The following TMIGD3 variants were observed in gnomAD, a reference collection of about 807,000 sequenced individuals.
TMIGD3 encodes the protein transmembrane and immunoglobulin domain containing 3, also known as AD026 protein (AD026).
A neutral mutation model predicts 28.1 loss-of-function variants in TMIGD3; 21 were observed. The observed-to-expected ratio is 0.75, with a 90% CI of 0.53 to 1.08. The LOEUF is 1.08. Among genes scored for constraint, TMIGD3 ranks in the 50% least tolerant of loss-of-function variants. The probability of loss-of-function intolerance (pLI) is 0.00; values close to 1 mark genes in which losing one functional copy is unlikely to be tolerated. For synonymous variants in TMIGD3, 151 were observed against 162.1 expected (o/e 0.93, Z 0.52); for missense variants, 416 against 435.6 (o/e 0.96, Z 0.40).
upstream of TMIGD3, among the ~76,000 whole-genome samples, chr1:111,505,845 GA>G (rs3216055): frequency 9.8e-3 from 1,494 of 152,242 alleles, 44 homozygotes; most frequent in East Asian, 0.097. Flanking sequence ...ATTGCCTTAG[GA>G]TCAAGTCCAG....
At chr1:111,557,442 C>T (rs111662161) in intron 1 of TMIGD3, among the ~76,000 whole-genome samples, 16,034 of 151,450 alleles carry the variant, frequency 0.11, 2,158 homozygotes, top group African/African-American at 0.31. Flanking sequence ...CCCAGCTACT[C>T]GGGAGGCTGA....
At chr1:111,502,046 T>A (rs1006230910) in intron 1 of TMIGD3, among the ~76,000 whole-genome samples, 1 of 40,062 alleles carries the variant, frequency 2.5e-5, no homozygotes, top group Non-Finnish European at 7.5e-5. Context: ...GGATATATAT[T>A]TAATATAATA....
intron 1 of TMIGD3, among the ~76,000 whole-genome samples, chr1:111,561,231 C>T (rs1408547434): frequency 6.6e-6 from 1 of 152,174 alleles, no homozygotes; most frequent in East Asian, 1.9e-4. Flanking sequence ...TTAGATGATC[C>T]TCCCACTTCA....
chr1:111,528,628 T>C (rs1369505559), intron 1 of TMIGD3, among the ~76,000 whole-genome samples: 3 of 152,220 alleles, frequency 2.0e-5, no homozygotes, highest in Non-Finnish European at 4.4e-5. Context: ...ATCTTGATAA[T>C]ATTGAGTCTT....
intron 5 of TMIGD3, 32 bp downstream of exon 5, chr1:111,485,708 G>GGGCCCC: frequency 2.3e-6 from 2 of 867,090 alleles, no homozygotes; most frequent in Non-Finnish European, 3.8e-6. Flanking sequence ...TCTAATTCTT[G>GGGCCCC]CCCACCCCCT....
At chr1:111,491,197 C>T (rs757529253) in intron 1 of TMIGD3, among the ~76,000 whole-genome samples, 6 of 152,262 alleles carry the variant, frequency 3.9e-5, no homozygotes, top group Admixed American at 6.5e-5. Flanking sequence ...GTGGACACTG[C>T]AGGCTCATCT....
intron 1 of TMIGD3, among the ~76,000 whole-genome samples, chr1:111,532,693 C>T (rs890942657): frequency 2.6e-5 from 4 of 152,070 alleles, no homozygotes; most frequent in African/African-American, 9.7e-5. Context: ...TAAAAGTGCC[C>T]CCTGTGAGCC....
At chr1:111,488,479 T>C (rs1287775365) in intron 3 of TMIGD3, among the ~76,000 whole-genome samples, 198 bp downstream of exon 3, 1 of 152,194 alleles carries the variant, frequency 6.6e-6, no homozygotes. Flanking sequence ...GACACCCTCC[T>C]TGTCCCCAAC....
intron 1 of TMIGD3, chr1:111,500,614 G>T: frequency 6.6e-7 from 1 of 1,515,898 alleles, no homozygotes; most frequent in Non-Finnish European, 9.1e-7. Context: ...GGGTAGGGGA[G>T]ATGGAGCTGG....
chr1:111,529,060 G>A (rs977139355), intron 1 of TMIGD3, among the ~76,000 whole-genome samples: 4 of 151,668 alleles, frequency 2.6e-5, no homozygotes, highest in African/African-American at 9.7e-5. Context: ...GTGGTGATAG[G>A]AGACATTCTT....
intron 1 of TMIGD3, chr1:111,500,894 T>C (rs903524223): frequency 5.3e-5 from 22 of 416,244 alleles, no homozygotes; most frequent in African/African-American, 3.9e-4. Context: ...CTGAGAGCTA[T>C]ACAACTGTTA....
At chr1:111,529,926 T>C (rs1439751021) in intron 1 of TMIGD3, among the ~76,000 whole-genome samples, 1 of 146,326 alleles carries the variant, frequency 6.8e-6, no homozygotes, top group Non-Finnish European at 1.5e-5. Flanking sequence ...GAGGGGCTCC[T>C]CACTTCCCAG....
At chr1:111,523,973 C>G (rs1304369763) in intron 1 of TMIGD3, among the ~76,000 whole-genome samples, 1 of 148,154 alleles carries the variant, frequency 6.7e-6, no homozygotes, top group Non-Finnish European at 1.5e-5. Context: ...TATTTTTTCT[C>G]TTCTGCTTGC....
intron 1 of TMIGD3, among the ~76,000 whole-genome samples, chr1:111,546,274 A>G (rs1657031299): frequency 6.6e-6 from 1 of 152,054 alleles, no homozygotes. Context: ...TTGTTTTACC[A>G]TTTTAACTAT....
intron 1 of TMIGD3, among the ~76,000 whole-genome samples, chr1:111,511,549 G>A (rs1655691903): frequency 6.6e-6 from 1 of 152,144 alleles, no homozygotes; most frequent in Non-Finnish European, 1.5e-5. Context: ...ACCTATTTGG[G>A]TCTAGTTAAA....
At chr1:111,551,280 G>A (rs1397246080) in intron 1 of TMIGD3, among the ~76,000 whole-genome samples, 1 of 152,012 alleles carries the variant, frequency 6.6e-6, no homozygotes, top group Non-Finnish European at 1.5e-5. Flanking sequence ...ATTTTGCTAT[G>A]TATTATGTAT....
chr1:111,540,323 G>A (rs966345501), intron 1 of TMIGD3, among the ~76,000 whole-genome samples: 3 of 152,244 alleles, frequency 2.0e-5, no homozygotes, highest in Admixed American at 6.5e-5. Flanking sequence ...TCACGTGTAC[G>A]TGATATCACT....
intron 1 of TMIGD3, among the ~76,000 whole-genome samples, chr1:111,534,684 C>A (rs186357344): frequency 4.6e-5 from 7 of 152,174 alleles, no homozygotes; most frequent in Admixed American, 2.0e-4. Context: ...AGGAAAGGAG[C>A]CTCTGGGAGC....
chr1:111,560,386 C>T (rs1571468511), intron 1 of TMIGD3, among the ~76,000 whole-genome samples: 1 of 151,710 alleles, frequency 6.6e-6, no homozygotes, highest in East Asian at 1.9e-4. Flanking sequence ...CTGATATTCA[C>T]TAAGTTCTTA....
Sources: gnomAD v4.1 joint callset for allele counts (sites outside exome capture counted in the v4.1 genomes callset) on GRCh38, gnomAD v4.1.1 for gene constraint, MANE v1.5 for transcripts, NCBI Gene and HGNC (gene_info 2026-07-23, HGNC 2026-07-21) for gene names.